Variants in CD96 observed in about 807,000 individuals in gnomAD.
The protein encoded by CD96 is CD96 molecule, also known as T-cell surface protein tactile.
A neutral mutation model predicts 71.3 loss-of-function variants in CD96; 70 were observed. The observed-to-expected ratio is 0.98, with a 90% CI of 0.81 to 1.20. CD96 has a LOEUF of 1.20. CD96 is among the 50% of genes most tolerant of loss of function. CD96 has a pLI of 0.00. For synonymous variants in CD96, 248 were observed against 233.0 expected, an observed-to-expected ratio of 1.06 and a Z score of -0.59; for missense variants, 742 against 677.5, an observed-to-expected ratio of 1.10 and a Z score of -1.06.
downstream of CD96, among the ~76,000 whole-genome samples, chr3:111,653,814 T>G (rs1319289888): frequency 6.7e-6 from 1 of 149,862 alleles, no homozygotes; most frequent in Non-Finnish European, 1.5e-5. Flanking sequence ...AAGCGATAAT[T>G]TTTTTTTTTT....
chr3:111,657,784 A>T (rs1940268836), intron 14 of CD96, among the ~76,000 whole-genome samples: 1 of 151,582 alleles, frequency 6.6e-6, no homozygotes, highest in African/African-American at 2.4e-5. Context: ...ATGTGTGTGT[A>T]TATGTGTGTG....
intron 13 of CD96, 100 bp from the exon 14 acceptor site, chr3:111,649,598 A>G: frequency 3.6e-6 from 3 of 824,724 alleles, no homozygotes; most frequent in Non-Finnish European, 6.5e-6. Context: ...CTTTCTCATC[A>G]ATCTGTGTTC....
chr3:111,546,913 G>GACACACACACACACAC (rs1491160910), intron 2 of CD96, among the ~76,000 whole-genome samples: 10 of 51,930 alleles, frequency 1.9e-4, no homozygotes, highest in East Asian at 7.1e-4. Flanking sequence ...CACACACACA[G>GACACACACACACACAC]ACACATACAC....
At chr3:111,586,283 C>T (rs934698911) in intron 5 of CD96, among the ~76,000 whole-genome samples, 3 of 151,974 alleles carry the variant, frequency 2.0e-5, no homozygotes, top group Non-Finnish European at 4.4e-5. Context: ...TTACATGGGG[C>T]GAGAGAAAAT....
intron 10 of CD96, among the ~76,000 whole-genome samples, chr3:111,629,743 C>G (rs1430102913): frequency 6.6e-6 from 1 of 152,176 alleles, no homozygotes; most frequent in Non-Finnish European, 1.5e-5. Context: ...GGCACTTCCT[C>G]TAAAATTTAT....
chr3:111,558,563 G>T (rs1209387215), intron 2 of CD96, among the ~76,000 whole-genome samples: 2 of 109,768 alleles, frequency 1.8e-5, no homozygotes, highest in Non-Finnish European at 3.7e-5. Flanking sequence ...AAGCCCACTT[G>T]ATCATGGTGG....
intron 10 of CD96, among the ~76,000 whole-genome samples, 196 bp from the exon 11 acceptor site, chr3:111,637,000 G>A (rs1318272595): frequency 6.6e-6 from 1 of 151,980 alleles, no homozygotes; most frequent in Non-Finnish European, 1.5e-5. Context: ...CCCCATTATA[G>A]ACATCTGAAC....
chr3:111,612,462 T>C (rs148199402), intron 8 of CD96, among the ~76,000 whole-genome samples: 12 of 152,358 alleles, frequency 7.9e-5, no homozygotes, highest in African/African-American at 2.9e-4. Context: ...GCAATAATAT[T>C]AATATTTGTT....
intron 2 of CD96, among the ~76,000 whole-genome samples, chr3:111,564,131 T>C (rs964281830): frequency 6.6e-6 from 1 of 152,164 alleles, no homozygotes; most frequent in Admixed American, 6.5e-5. Context: ...GGGTCTATTT[T>C]CCTATTTTGC....
intron 8 of CD96, among the ~76,000 whole-genome samples, chr3:111,618,582 C>CTTTTT (rs35004472): frequency 4.0e-5 from 5 of 123,970 alleles, no homozygotes; most frequent in East Asian, 2.3e-4. Flanking sequence ...TTATTTCTCT[C>CTTTTT]TTTTTTTTTT....
intron 10 of CD96, among the ~76,000 whole-genome samples, chr3:111,635,383 G>C (rs1309735181): frequency 6.6e-6 from 1 of 152,130 alleles, no homozygotes; most frequent in African/African-American, 2.4e-5. Context: ...TTCCAAAGTG[G>C]CTTATGTTTT....
intron 11 of CD96, 25 bp downstream of exon 11, chr3:111,637,286 G>T: frequency 7.7e-7 from 1 of 1,295,372 alleles, no homozygotes; most frequent in South Asian, 1.2e-5. Flanking sequence ...AAGATTTAGG[G>T]ACACTGAAGC....
chr3:111,552,465 G>A (rs992856739), intron 2 of CD96, among the ~76,000 whole-genome samples: 2 of 152,080 alleles, frequency 1.3e-5, no homozygotes, highest in African/African-American at 4.8e-5. Context: ...AAACAAATAT[G>A]TCTTTTAATA....
chr3:111,586,168 T>G (rs996456159), intron 5 of CD96, among the ~76,000 whole-genome samples: 1 of 152,202 alleles, frequency 6.6e-6, no homozygotes, highest in Admixed American at 6.5e-5. Flanking sequence ...TTTTTGTTAT[T>G]ATTATTATCT....
chr3:111,558,976 T>G (rs1935231279), intron 2 of CD96, among the ~76,000 whole-genome samples: 1 of 152,248 alleles, frequency 6.6e-6, no homozygotes, highest in Admixed American at 6.5e-5. Context: ...TTCTTCTAGA[T>G]TTTCCAGTTT....
chr3:111,606,445 C>T (rs1937626585), intron 7 of CD96, among the ~76,000 whole-genome samples: 1 of 152,134 alleles, frequency 6.6e-6, no homozygotes, highest in Admixed American at 6.5e-5. Context: ...TTCCTGTGGC[C>T]ACCTATGCTT....
chr3:111,571,039 A>T, intron 3 of CD96: 2 of 1,246,690 alleles, frequency 1.6e-6, no homozygotes, highest in East Asian at 4.6e-5. Flanking sequence ...GGCTTGTAGG[A>T]GGGAGGTCCC....
At chr3:111,632,057 C>T (rs745547003) in intron 10 of CD96, among the ~76,000 whole-genome samples, 83 of 152,048 alleles carry the variant, frequency 5.5e-4, no homozygotes, top group African/African-American at 9.9e-4. Flanking sequence ...GGATATAGGA[C>T]GGGCAAAGAT....
chr3:111,569,619 C>T (rs1218479903), intron 3 of CD96, among the ~76,000 whole-genome samples: 1 of 152,180 alleles, frequency 6.6e-6, no homozygotes, highest in South Asian at 2.1e-4. Flanking sequence ...TTAACAATGG[C>T]AACTGGTTTA....
Sources: gnomAD v4.1 joint callset for allele counts (sites outside exome capture counted in the v4.1 genomes callset) on GRCh38, gnomAD v4.1.1 for gene constraint, MANE v1.5 for transcripts, NCBI Gene and HGNC (gene_info 2026-07-23, HGNC 2026-07-21) for gene names.